Variants in APAF1 observed in about 807,000 individuals in gnomAD.
APAF1 encodes the protein apoptotic protease-activating factor 1.
APAF1 carries 91 observed loss-of-function variants against 152.4 expected under a neutral mutation model. The ratio of observed to expected loss-of-function variants is 0.60; its 90% confidence interval spans 0.50 to 0.71. The LOEUF is 0.71. Among genes scored for constraint, APAF1 ranks in the 30% least tolerant of loss-of-function variants. The pLI is 0.00. For missense variants in APAF1, 1,283 were observed against 1,472.0 expected (o/e 0.87, Z 2.10); for synonymous variants, 484 against 494.1 (o/e 0.98, Z 0.27).
chr12:98,715,169 C>T (rs1424007049), intron 21 of APAF1, among the ~76,000 whole-genome samples: 2 of 135,334 alleles, frequency 1.5e-5, no homozygotes, highest in Non-Finnish European at 3.1e-5. Context: ...CTACTGCTGT[C>T]TGATGATTGC....
Position 98,735,026 on chromosome 12 carries a change from T to C in APAF1, c.*2460T>C. Reference sequence around the variant, plus strand: ...TCCTTGGGAGGCTAAGACAGGAGGATTCCTTGAGCCCTGGAGTTTGAGTCC... The same window carrying C: ...TCCTTGGGAGGCTAAGACAGGAGGACTCCTTGAGCCCTGGAGTTTGAGTCC... On this transcript the variant is annotated 3_prime_UTR_variant, in exon 27 of 27. Coordinates refer to ENST00000551964, the MANE Select transcript of APAF1 (RefSeq NM_181861.2). 1 of 390,472 alleles carries C rather than the reference T, an allele frequency of 2.6e-6. No homozygotes were observed. Among genetic ancestry groups the C allele is most frequent in the Admixed American group, 4.4e-5 (1 of 22,496 alleles). 24.2% of individuals were successfully genotyped at this position (390,472 alleles called of 1,614,324 possible). A position where few individuals can be genotyped will look rare whatever the true frequency, so the allele number is the denominator to read the frequency against.
chr12:98,723,863 C>T lies in APAF1; in HGVS notation c.3330+99C>T, dbSNP rs2097746667. 8 of 1,254,452 alleles carry T rather than the reference C, an allele frequency of 6.4e-6. No homozygotes were observed. The South Asian group carries it at 8.5e-5, about 13-fold the overall frequency. 77.7% of individuals were successfully genotyped at this position (1,254,452 alleles called of 1,614,324 possible). Reference sequence around the variant, plus strand: ...AAAAGGACATAACAGTTGCTCTCTACATGTCTGTTTCATATTTTGTGATCT... The same window carrying T: ...AAAAGGACATAACAGTTGCTCTCTATATGTCTGTTTCATATTTTGTGATCT... On this transcript the variant is annotated intron_variant, in intron 24 of 26. Transcript: ENST00000551964.
chr12:98,675,839 T>A (rs2097685891), intron 12 of APAF1, among the ~76,000 whole-genome samples: 2 of 152,248 alleles, frequency 1.3e-5, no homozygotes, highest in Admixed American at 6.5e-5. Flanking sequence ...AGGCAGGATC[T>A]AAATATGATT....
intron 4 of APAF1, among the ~76,000 whole-genome samples, chr12:98,656,040 C>A (rs770695547): frequency 6.6e-6 from 1 of 152,142 alleles, no homozygotes; most frequent in Non-Finnish European, 1.5e-5. Context: ...ACCTCGGCCT[C>A]CCAAAGTGCT....
intron 5 of APAF1, among the ~76,000 whole-genome samples, chr12:98,661,334 AG>A (rs1260381557): frequency 3.9e-5 from 6 of 152,294 alleles, no homozygotes; most frequent in African/African-American, 1.4e-4. Context: ...ACTTCTGTTG[AG>A]TAAAATAATG....
chr12:98,690,267 C>G (rs970473391), intron 16 of APAF1, among the ~76,000 whole-genome samples: 6 of 152,070 alleles, frequency 3.9e-5, no homozygotes, highest in African/African-American at 1.4e-4. Context: ...TAGAATTCTA[C>G]TTTGTAGAGT....
chr12:98,712,696 G>A (rs1363445351), intron 21 of APAF1: 2 of 385,960 alleles, frequency 5.2e-6, no homozygotes, highest in East Asian at 1.1e-4. Context: ...TTTTTTTTTT[G>A]TAGAGATGGG....
Position 98,683,100 on chromosome 12 carries a change from G to T in APAF1, c.2047-43G>T, listed in dbSNP as rs369386500. 4 of 1,537,278 alleles carry T rather than the reference G, an allele frequency of 2.6e-6. No homozygotes were observed. The African/African-American group carries it at 5.5e-5, about 21-fold the overall frequency. On this transcript the variant is annotated intron_variant, in intron 14 of 26. Coordinates refer to ENST00000551964, the MANE Select transcript of APAF1 (RefSeq NM_181861.2). Reference sequence around the variant, plus strand: ...TGCTTTGCCCCTCTGTTCTCCCTTTGAAAATAATGGATATTTGTAAATTTT... The same window carrying T: ...TGCTTTGCCCCTCTGTTCTCCCTTTTAAAATAATGGATATTTGTAAATTTT...
intron 20 of APAF1, among the ~76,000 whole-genome samples, chr12:98,711,363 A>G (rs1366687191): frequency 1.3e-5 from 2 of 152,228 alleles, no homozygotes; most frequent in East Asian, 3.8e-4. Context: ...GGATAAACTT[A>G]ATAGTTTCAT....
rs1171939618 is a variant in APAF1 at position 98,671,550 on chromosome 12, G to C, written c.1624G>C (p.Glu542Gln). 1 of 1,613,928 alleles carries C rather than the reference G, an allele frequency of 6.2e-7. No homozygotes were observed. The highest frequency in any genetic ancestry group is 1.3e-5 in the African/African-American group (1 of 74,904). Residue 542 changes from glutamate to glutamine, a missense_variant, in exon 12 of 27, where the codon GAG becomes CAG. Glu to Gln is a conservative substitution (Grantham distance 29). Transcript: ENST00000551964. Reference protein sequence around the residue: ...ILDEKDCAVSENFQEFLSLNG... With the variant: ...ILDEKDCAVSQNFQEFLSLNG... Reference sequence around the variant, plus strand: ...TTATTTGTAGGATTGTGCAGTCAGTGAGAATTTTCAGGAGTTTTTATCTTT... The same window carrying C: ...TTATTTGTAGGATTGTGCAGTCAGTCAGAATTTTCAGGAGTTTTTATCTTT...
At chr12:98,704,670 G>C (rs977000662) in intron 18 of APAF1, among the ~76,000 whole-genome samples, 2 of 152,200 alleles carry the variant, frequency 1.3e-5, no homozygotes, top group African/African-American at 2.4e-5. Context: ...ATTGCACACA[G>C]AGGCAGGGAG....
At chr12:98,678,603 C>T (rs1268417882) in intron 13 of APAF1, among the ~76,000 whole-genome samples, 1 of 152,244 alleles carries the variant, frequency 6.6e-6, no homozygotes, top group Non-Finnish European at 1.5e-5. Context: ...CCCCCTGGTG[C>T]AGCTGTAGCT....
intron 16 of APAF1, among the ~76,000 whole-genome samples, chr12:98,692,548 C>G (rs2097705480): frequency 6.6e-6 from 1 of 152,174 alleles, no homozygotes; most frequent in South Asian, 2.1e-4. Context: ...TCATTCCCCC[C>G]TCCCCAACTC....
Position 98,723,646 on chromosome 12 carries a change from A to G in APAF1, c.3212A>G (p.Asn1071Ser). The G allele has an allele frequency of 6.3e-7, 1 of 1,585,184 alleles. No homozygotes were observed. The highest frequency in any genetic ancestry group is 8.6e-7 in the Non-Finnish European group (1 of 1,160,790). ...WSFDGTVKVW[N>S]IITGNKEKDF... ...TTTTTTTTTTTTTTTAAGGTATGGA[A>G]TATTATTACTGGAAATAAAGAAAAA... Residue 1071 changes from asparagine to serine, a missense_variant, in exon 24 of 27, where the codon AAT (asparagine) becomes AGT (serine). Physicochemically the swap from Asn to Ser is conservative, Grantham distance 46. Coordinates refer to ENST00000551964, the MANE Select transcript of APAF1 (RefSeq NM_181861.2).
chr12:98,655,043 G>A lies in APAF1; in HGVS notation c.527-4117G>A, dbSNP rs1256724281. 1.4e-4 allele frequency among the ~76,000 whole-genome samples: 16 copies of A among 118,130 alleles called. No homozygotes were observed. In the Admixed American group the frequency reaches 1.4e-3, roughly 10 times the overall value. The allele number at this position is 118,130 out of a possible 152,430, so 77.5% of individuals were successfully genotyped here. ...ATTGGTGATGACTCTTAACGAGCAT[G>A]CTGCCTTCAAGCATCTGTTTAACAA... On this transcript the variant is annotated intron_variant, in intron 4 of 26. Coordinates refer to ENST00000551964, the MANE Select transcript of APAF1 (RefSeq NM_181861.2).
Position 98,681,392 on chromosome 12 carries a change from C to T in APAF1, c.2046+990C>T, listed in dbSNP as rs73374795. Among the ~76,000 whole-genome samples the T allele has an allele frequency of 1.6e-3, 249 of 152,230 alleles. 2 individuals carry two copies. Among genetic ancestry groups the T allele is most frequent in the African/African-American group, 5.8e-3 (240 of 41,552 alleles). ...GTAATTTTTATTTTTGTTAAGTATT[C>T]TCTTGTTCCTAAATTTGGCTTCTAC... is the stretch of plus-strand genomic sequence containing the variant. On this transcript the variant is annotated intron_variant, in intron 14 of 26. Transcript: ENST00000551964.
At chr12:98,677,593 C>T in intron 13 of APAF1, 42 bp downstream of exon 13, 1 of 1,613,272 alleles carries the variant, frequency 6.2e-7, no homozygotes, top group Non-Finnish European at 8.5e-7. Flanking sequence ...AGGCATGTAT[C>T]CAGTTTTGTG....
rs1247465075 is a variant in APAF1, at chr12:98,670,789, G to A, written c.1495-184G>A. The A allele has an allele frequency of 1.5e-5, 7 of 456,560 alleles. No homozygotes were observed. The East Asian group carries it at 2.3e-4, about 15-fold the overall frequency. 28.3% of individuals were successfully genotyped at this position (456,560 alleles called of 1,614,324 possible). A position where few individuals can be genotyped will look rare whatever the true frequency, so the allele number is the denominator to read the frequency against. ...TTTAACCAACTGGAGTTTATTTGGA[G>A]CTGAAGTATGAGGCCCATTTTATGT... On this transcript the variant is annotated intron_variant, in intron 10 of 26. Coordinates refer to ENST00000551964, the MANE Select transcript of APAF1 (RefSeq NM_181861.2).
chr12:98,678,500 G>T (rs934388905), intron 13 of APAF1, among the ~76,000 whole-genome samples: 8 of 152,332 alleles, frequency 5.3e-5, no homozygotes, highest in Non-Finnish European at 7.4e-5. Flanking sequence ...CATGGAGCAG[G>T]CCAGAGCCCT....
Sources: gnomAD v4.1 joint callset for allele counts (sites outside exome capture counted in the v4.1 genomes callset) on GRCh38, gnomAD v4.1.1 for gene constraint, MANE v1.5 for transcripts, NCBI Gene and HGNC (gene_info 2026-07-23, HGNC 2026-07-21) for gene names.